Variants in SCCPDH observed in about 807,000 individuals in gnomAD.
The protein encoded by SCCPDH is saccharopine dehydrogenase (putative).
SCCPDH carries 34 observed loss-of-function variants against 51.5 expected under a neutral mutation model. The ratio of observed to expected loss-of-function variants is 0.66; its 90% CI spans 0.50 to 0.88. The LOEUF is 0.88. SCCPDH is among the 40% of genes least tolerant of loss of function. The probability of loss-of-function intolerance (pLI) is 0.00; values close to 1 mark genes in which losing one functional copy is unlikely to be tolerated. For missense variants in SCCPDH, 464 were observed against 527.1 expected, an observed-to-expected ratio of 0.88 and a Z score of 1.17; for synonymous variants, 187 against 191.3, an observed-to-expected ratio of 0.98 and a Z score of 0.19.
chr1:246,757,229 AGCT>A (rs2102989548), intron 5 of SCCPDH, among the ~76,000 whole-genome samples: 1 of 151,728 alleles, frequency 6.6e-6, no homozygotes, highest in African/African-American at 2.4e-5. Flanking sequence ...CTGTAATCCC[AGCT>A]ACTCGGGAGG....
At chr1:246,747,227 C>T (rs2102986220) in intron 5 of SCCPDH, among the ~76,000 whole-genome samples, 1 of 152,234 alleles carries the variant, frequency 6.6e-6, no homozygotes, top group Non-Finnish European at 1.5e-5. Context: ...ACTGGCATCC[C>T]CAAGTATACT....
chr1:246,727,291 G>A lies in SCCPDH; in HGVS notation c.303+287G>A, dbSNP rs978590654. Among the ~76,000 whole-genome samples, 31 of 151,784 alleles carry A rather than the reference G, an allele frequency of 2.0e-4. 1 individual carries two copies. The South Asian group carries it at 2.7e-3, about 13-fold the overall frequency. On this transcript the variant is annotated intron_variant, in intron 2 of 11. Coordinates refer to ENST00000366510, the MANE Select transcript of SCCPDH (RefSeq NM_016002.3). Reference sequence around the variant, plus strand: ...TTTCCTTTTTACTATATACCCCTTCGGTAAAAAATGTTTGAGTGTGTCTCC... The same window carrying A: ...TTTCCTTTTTACTATATACCCCTTCAGTAAAAAATGTTTGAGTGTGTCTCC...
intron 9 of SCCPDH, among the ~76,000 whole-genome samples, chr1:246,763,104 C>T (rs1669043462): frequency 6.6e-6 from 1 of 152,066 alleles, no homozygotes; most frequent in South Asian, 2.1e-4. Flanking sequence ...ATCACCACTG[C>T]GGAGGAAGGA....
chr1:246,736,180 A>G, intron 3 of SCCPDH, 125 bp downstream of exon 3: 1 of 642,016 alleles, frequency 1.6e-6, no homozygotes, highest in Admixed American at 2.6e-5. Flanking sequence ...GCATTCAGAT[A>G]TGGTATTCGT....
At chr1:246,744,246 T>G (rs1572298425) in intron 5 of SCCPDH, 121 bp downstream of exon 5, 1 of 464,684 alleles carries the variant, frequency 2.2e-6, no homozygotes, top group East Asian at 3.3e-5. Context: ...TGTTTAATTT[T>G]TAAAAAGATA....
intron 1 of SCCPDH, among the ~76,000 whole-genome samples, chr1:246,725,205 G>A (rs1668374973): frequency 6.6e-6 from 1 of 152,090 alleles, no homozygotes; most frequent in Admixed American, 6.5e-5. Context: ...AGACGCTTAC[G>A]TATTCTCTAA....
chr1:246,757,469 G>T (rs1233469684), intron 5 of SCCPDH, among the ~76,000 whole-genome samples: 2 of 151,682 alleles, frequency 1.3e-5, no homozygotes, highest in African/African-American at 4.8e-5. Context: ...AAGCTGTAAA[G>T]AGTATTGGTA....
intron 5 of SCCPDH, among the ~76,000 whole-genome samples, chr1:246,747,991 A>G (rs1170802371): frequency 6.6e-6 from 1 of 152,212 alleles, no homozygotes; most frequent in African/African-American, 2.4e-5. Flanking sequence ...GTACGTAACA[A>G]TTTACAGGCT....
chr1:246,731,099 A>G (rs1668484069), intron 2 of SCCPDH, among the ~76,000 whole-genome samples: 1 of 152,180 alleles, frequency 6.6e-6, no homozygotes, highest in Non-Finnish European at 1.5e-5. Context: ...GGAGAGCAGG[A>G]TTGCGGTTCT....
chr1:246,738,200 C>T (rs1169420016), intron 3 of SCCPDH, among the ~76,000 whole-genome samples: 1 of 146,968 alleles, frequency 6.8e-6, no homozygotes, highest in African/African-American at 2.5e-5. Context: ...TGTCTCAAAA[C>T]AACAACAACA....
intron 2 of SCCPDH, among the ~76,000 whole-genome samples, chr1:246,734,217 CG>C (rs1260752870): frequency 6.6e-6 from 1 of 152,056 alleles, no homozygotes; most frequent in Admixed American, 6.6e-5. Flanking sequence ...AGAACAAGGC[CG>C]AGAAAGCTCC....
chr1:246,759,923 G>A (rs774967301), intron 7 of SCCPDH, 34 bp from the exon 8 acceptor site: 11 of 1,595,360 alleles, frequency 6.9e-6, no homozygotes, highest in Non-Finnish European at 9.4e-6. Context: ...AATGTAGGGA[G>A]TAATGTTCTA....
rs373803293 is a variant in SCCPDH at position 246,746,480 on chromosome 1, A to ACTT, written c.564+2359_564+2361dup. 9.5e-3 allele frequency among the ~76,000 whole-genome samples: 1,447 copies of ACTT among 152,238 alleles called. 11 individuals are homozygous for ACTT. Among genetic ancestry groups the ACTT allele is most frequent in the Middle Eastern group, 0.024 (7 of 294 alleles). ...ATTTCATTTCTGCCTTTTAGTTTTT[A>ACTT]CTTCTTTCTTTGGAGGCAGAAACTG... On this transcript the variant is annotated intron_variant, in intron 5 of 11. Coordinates refer to ENST00000366510, the MANE Select transcript of SCCPDH (RefSeq NM_016002.3).
At chr1:246,739,747 C>G (rs1246793229) in intron 3 of SCCPDH, among the ~76,000 whole-genome samples, 1 of 152,136 alleles carries the variant, frequency 6.6e-6, no homozygotes, top group African/African-American at 2.4e-5. Context: ...AAGAGCAGAG[C>G]AGACATTATT....
At chr1:246,732,789 T>C (rs903642600) in intron 2 of SCCPDH, among the ~76,000 whole-genome samples, 4 of 152,134 alleles carry the variant, frequency 2.6e-5, no homozygotes, top group African/African-American at 7.2e-5. Flanking sequence ...ACTAAGCTCT[T>C]TGTATTCTCT....
intron 11 of SCCPDH, 152 bp downstream of exon 11, chr1:246,766,291 A>G (rs1669086437): frequency 1.7e-6 from 1 of 605,894 alleles, no homozygotes; most frequent in African/African-American, 1.8e-5. Flanking sequence ...AAACTGTGAG[A>G]AGGACAGCTT....
chr1:246,765,412 G>A (rs1238756081), intron 10 of SCCPDH, among the ~76,000 whole-genome samples: 1 of 152,248 alleles, frequency 6.6e-6, no homozygotes, highest in East Asian at 1.9e-4. Context: ...AATCAAGCCA[G>A]ATGATAGTAT....
At chr1:246,742,560 C>G (rs1668697004) in intron 4 of SCCPDH, among the ~76,000 whole-genome samples, 1 of 152,178 alleles carries the variant, frequency 6.6e-6, no homozygotes, top group Non-Finnish European at 1.5e-5. Flanking sequence ...ATCAGAATCG[C>G]TCTAGTGAGT....
chr1:246,761,663 G>A (rs1442367192), intron 9 of SCCPDH, among the ~76,000 whole-genome samples: 4 of 152,168 alleles, frequency 2.6e-5, no homozygotes, highest in Non-Finnish European at 5.9e-5. Flanking sequence ...GTCTTTTTGT[G>A]ACTGGCTTAT....
Sources: allele counts gnomAD v4.1 joint callset (sites outside exome capture counted in the v4.1 genomes callset), GRCh38; gene constraint gnomAD v4.1.1; transcripts MANE v1.5; gene names NCBI Gene and HGNC (gene_info 2026-07-23, HGNC 2026-07-21).